The following DTWD2 variants were observed in gnomAD, a reference collection of about 807,000 sequenced individuals.
DTWD2 encodes the protein DTW motif tRNA-uridine aminocarboxypropyltransferase 2.
In DTWD2, 39 loss-of-function variants were observed where a neutral mutation model predicts 31.8. The observed-to-expected ratio is 1.22, with a 90% CI of 0.95 to 1.60. The LOEUF (loss-of-function observed/expected upper bound fraction) is 1.60. Ranked by LOEUF, DTWD2 falls within the 40% of genes most tolerant of loss-of-function variation. The pLI is 0.00. For missense variants in DTWD2, 515 were observed against 381.5 expected (o/e 1.35, Z -2.92); for synonymous variants, 180 against 142.8 (o/e 1.26, Z -1.86).
rs377712037 is a variant in DTWD2, at chr5:118,903,009, T to G, written c.597+25528A>C. 5.0e-4 allele frequency among the ~76,000 whole-genome samples: 76 copies of G among 152,182 alleles called. No individual in the cohort carries two copies. The East Asian group carries it at 0.011, about 22-fold the overall frequency. On this transcript the variant is annotated intron_variant, in intron 4 of 5. Transcript: ENST00000510708. ...ACATCATAACTAAAACAGATTTTAG[T>G]ACTAATAAATTTCTATGTTTTCAAC...
At chr5:118,912,663 T>C (rs547207553) in intron 4 of DTWD2, among the ~76,000 whole-genome samples, 1 of 152,214 alleles carries the variant, frequency 6.6e-6, no homozygotes, top group African/African-American at 2.4e-5. Context: ...CAGGGCCTTC[T>C]CTTCTCCAGG....
chr5:118,960,729 A>G (rs188853044), intron 1 of DTWD2, among the ~76,000 whole-genome samples: 18 of 151,814 alleles, frequency 1.2e-4, no homozygotes, highest in South Asian at 2.1e-4. Context: ...CATATATACC[A>G]TGGAATAGTA....
At chr5:118,971,391 G>A (rs552743420) in intron 1 of DTWD2, among the ~76,000 whole-genome samples, 1 of 152,178 alleles carries the variant, frequency 6.6e-6, no homozygotes, top group East Asian at 1.9e-4. Context: ...ACAAAGAAGG[G>A]CGTTATATAT....
At chr5:118,866,819 A>T (rs1010154608) in intron 4 of DTWD2, among the ~76,000 whole-genome samples, 1 of 152,102 alleles carries the variant, frequency 6.6e-6, no homozygotes, top group African/African-American at 2.4e-5. Flanking sequence ...CAGGAGGCTA[A>T]GGCAGGAGAA....
Position 118,941,568 on chromosome 5 carries a change from C to A in DTWD2, c.310-2278G>T, listed in dbSNP as rs186342871. 7.7e-3 allele frequency among the ~76,000 whole-genome samples: 1,169 copies of A among 152,292 alleles called. 3 individuals carry two copies. The highest frequency in any genetic ancestry group is 0.012 in the Non-Finnish European group (848 of 68,020). On this transcript the variant is annotated intron_variant, in intron 2 of 5. Coordinates refer to ENST00000510708, the MANE Select transcript of DTWD2 (RefSeq NM_173666.4). ...GTATATGTGCCACATTTTCTTAATC[C>A]AGTCTATCATTGTTGGACATTTAGG...
chr5:118,919,479 A>G (rs1170553706), intron 4 of DTWD2, among the ~76,000 whole-genome samples: 2 of 152,242 alleles, frequency 1.3e-5, no homozygotes, highest in Non-Finnish European at 2.9e-5. Flanking sequence ...GGATCAACAC[A>G]CAATCTCAAA....
chr5:118,875,613 G>GA (rs1752604105), intron 4 of DTWD2, among the ~76,000 whole-genome samples: 1 of 72,476 alleles, frequency 1.4e-5, no homozygotes. Context: ...GATCATAAAA[G>GA]ACAAAAAGGT....
At chr5:118,884,999 A>AAAAAAAAAAAAC (rs1752828108) in intron 4 of DTWD2, among the ~76,000 whole-genome samples, 1 of 139,610 alleles carries the variant, frequency 7.2e-6, no homozygotes, top group African/African-American at 3.1e-5. Context: ...CCATCTCCAA[A>AAAAAAAAAAAAC]AAAAAAAAAA....
intron 4 of DTWD2, among the ~76,000 whole-genome samples, chr5:118,897,971 CT>C (rs1440520541): frequency 6.6e-6 from 1 of 152,074 alleles, no homozygotes; most frequent in Non-Finnish European, 1.5e-5. Context: ...TCAGGTGATC[CT>C]CCCACCTCAG....
intron 1 of DTWD2, chr5:118,973,982 G>A: frequency 1.3e-6 from 2 of 1,586,966 alleles, no homozygotes; most frequent in Admixed American, 3.4e-5. Flanking sequence ...TGGGGAGGAA[G>A]AGGAGGAGGA....
At chr5:118,952,053 A>G (rs1327195228) in intron 1 of DTWD2, among the ~76,000 whole-genome samples, 1 of 152,226 alleles carries the variant, frequency 6.6e-6, no homozygotes, top group African/African-American at 2.4e-5. Flanking sequence ...GGTGGCGCAG[A>G]AATTGAAAGG....
intron 4 of DTWD2, among the ~76,000 whole-genome samples, chr5:118,918,473 GA>G (rs1554066863): frequency 1.3e-3 from 104 of 83,152 alleles, no homozygotes; most frequent in Non-Finnish European, 9.0e-4. Flanking sequence ...CGTCTCAAGA[GA>G]AAAAAAAAAA....
chr5:118,850,091 AATAAATGGTGCTGGG>A (rs1751962305), intron 4 of DTWD2, among the ~76,000 whole-genome samples: 1 of 152,014 alleles, frequency 6.6e-6, no homozygotes, highest in Admixed American at 6.6e-5. Flanking sequence ...CTCCCTAGTC[AATAAATGGTGCTGGG>A]ATAACTGGTT....
At position 118,840,638 on chromosome 5, in the gene DTWD2, C is replaced by G. The variant is rs1286017162; in HGVS notation, c.*279G>C. 8.6e-6 allele frequency: 2 copies of G among 231,276 alleles called. No individual in the cohort carries two copies. The highest frequency in any genetic ancestry group is 1.7e-5 in the Non-Finnish European group (2 of 120,180). 14.3% of individuals were successfully genotyped at this position (231,276 alleles called of 1,614,324 possible). ...TTACAAGTAAGAACTTCTAACCTAT[C>G]ACAACAACAAATCATATTTTAAATT... On this transcript the variant is annotated 3_prime_UTR_variant, in exon 6 of 6. Coordinates refer to ENST00000510708, the MANE Select transcript of DTWD2 (RefSeq NM_173666.4).
intron 1 of DTWD2, among the ~76,000 whole-genome samples, chr5:118,967,437 C>G (rs1754877511): frequency 6.6e-6 from 1 of 152,122 alleles, no homozygotes; most frequent in Non-Finnish European, 1.5e-5. Flanking sequence ...TAAACCAGGG[C>G]TTCCTGAAAA....
intron 4 of DTWD2, among the ~76,000 whole-genome samples, chr5:118,859,984 A>G (rs56034428): frequency 0.11 from 16,434 of 151,890 alleles, 1,120 homozygotes; most frequent in African/African-American, 0.19. Context: ...CATGTGTGGT[A>G]GCATGCACCT....
intron 1 of DTWD2, among the ~76,000 whole-genome samples, chr5:118,956,859 G>A (rs1164747590): frequency 6.6e-6 from 1 of 152,034 alleles, no homozygotes; most frequent in Admixed American, 6.6e-5. Context: ...TAGATACACT[G>A]CATTACACAT....
At chr5:118,864,758 T>G (rs761548679) in intron 4 of DTWD2, among the ~76,000 whole-genome samples, 18 of 151,928 alleles carry the variant, frequency 1.2e-4, no homozygotes, top group Non-Finnish European at 2.4e-4. Context: ...TCAAAGTAGA[T>G]AAAGCCATAT....
intron 2 of DTWD2, 83 bp downstream of exon 2, chr5:118,944,476 G>T: frequency 1.5e-6 from 2 of 1,336,736 alleles, no homozygotes; most frequent in Non-Finnish European, 2.1e-6. Flanking sequence ...CTAAAGAGCT[G>T]GTAAGGATAA....
Sources: allele counts gnomAD v4.1 joint callset (sites outside exome capture counted in the v4.1 genomes callset), GRCh38; gene constraint gnomAD v4.1.1; transcripts MANE v1.5; gene names NCBI Gene and HGNC (gene_info 2026-07-23, HGNC 2026-07-21).